The following IQSEC1 variants were observed in gnomAD, a reference collection of about 807,000 sequenced individuals.
The protein encoded by IQSEC1 is IQ motif and Sec7 domain ArfGEF 1, also known as IQ motif and SEC7 domain-containing protein 1.
IQSEC1 carries 31 observed loss-of-function variants against 91.0 expected under a neutral mutation model. That is an observed-to-expected ratio of 0.34 (90% CI 0.26 to 0.46). The LOEUF (loss-of-function observed/expected upper bound fraction) is 0.46, where lower values mean the gene tolerates loss of function less well. IQSEC1 is among the 20% of genes least tolerant of loss of function. The probability of loss-of-function intolerance (pLI) is 1.00; values close to 1 mark genes in which losing one functional copy is unlikely to be tolerated. For missense variants in IQSEC1, 1,388 were observed against 1,575.6 expected (o/e 0.88, Z 2.02); for synonymous variants, 699 against 662.6 (o/e 1.05, Z -0.84).
chr3:13,151,225 T>C (rs140352002), intron 2 of IQSEC1, among the ~76,000 whole-genome samples: 197 of 152,280 alleles, frequency 1.3e-3, no homozygotes, highest in African/African-American at 4.6e-3. Flanking sequence ...ACGTCAGGTA[T>C]TGGGCTTCTC....
rs1442916290 is a variant in IQSEC1 at position 12,897,155 on chromosome 3, C to A, written c.*3828G>T. ...CACAACAAGTAATGGGGAAACTCAT[C>A]AGCTGGAGATCTGGGTCTGGCCAAC... is the stretch of plus-strand genomic sequence containing the variant. On this transcript the variant is annotated 3_prime_UTR_variant, in exon 14 of 14. Transcript: ENST00000613206. The A allele has an allele frequency of 6.6e-6, 1 of 152,244 alleles. No homozygotes were observed. The highest frequency in any genetic ancestry group is 2.4e-5 in the African/African-American group (1 of 41,462). The allele number at this position is 152,244 out of a possible 1,614,324, so 9.4% of individuals were successfully genotyped here.
chr3:13,137,996 C>T (rs1309159887), intron 2 of IQSEC1, among the ~76,000 whole-genome samples: 2 of 152,192 alleles, frequency 1.3e-5, no homozygotes, highest in Non-Finnish European at 2.9e-5. Flanking sequence ...CAATGTGTCA[C>T]AGTTGGAAGC....
intron 2 of IQSEC1, among the ~76,000 whole-genome samples, chr3:13,108,859 C>T (rs1279434904): frequency 6.6e-6 from 1 of 152,230 alleles, no homozygotes; most frequent in Non-Finnish European, 1.5e-5. Flanking sequence ...TCACACAGCC[C>T]CTCTGCTGGA....
Position 12,941,640 on chromosome 3 carries a change from C to T in IQSEC1, c.249G>A (p.Glu83=). Residue 83 remains glutamate, a synonymous_variant, in exon 2 of 14, where the codon GAG becomes GAA. Transcript: ENST00000613206. ...GTGAGCGTGAGCGCTTGATGGCCTC[C>T]TCCTCAGCCTGCTTGCGCAGGATGG... is the stretch of plus-strand genomic sequence containing the variant. ...STSILRKQAE[E]EAIKRSRSLS... is the part of the protein sequence containing the mutation. 2 of 1,612,308 alleles carry T rather than the reference C, an allele frequency of 1.2e-6. No individual in the cohort carries two copies. Among genetic ancestry groups the T allele is most frequent in the Non-Finnish European group, 1.7e-6 (2 of 1,179,432 alleles).
intron 13 of IQSEC1, 68 bp from the exon 14 acceptor site, chr3:12,901,590 T>G (rs1470456512): frequency 1.6e-5 from 21 of 1,354,602 alleles, no homozygotes; most frequent in Non-Finnish European, 2.0e-5. Flanking sequence ...ATGATTTTTT[T>G]TTTTCAAATG....
intron 1 of IQSEC1, among the ~76,000 whole-genome samples, chr3:13,167,929 G>A (rs1378453960): frequency 6.6e-6 from 1 of 152,188 alleles, no homozygotes; most frequent in Non-Finnish European, 1.5e-5. Context: ...TGAGAAGGTG[G>A]GCATGAGCAG....
rs114464310 is a variant in IQSEC1, at chr3:13,261,078, G to A, written c.272+21633C>T. ...GAGGGACAGATTTTTCAGAGGCGAG[G>A]ACATGGCACTTGATTTGTATATAGA... On this transcript the variant is annotated intron_variant, in intron 1 of 15. Transcript: ENST00000648114. Among the ~76,000 whole-genome samples the A allele has an allele frequency of 2.1e-3, 317 of 152,338 alleles. 2 individuals are homozygous for A. Among genetic ancestry groups the A allele is most frequent in the Non-Finnish European group, 3.4e-3 (232 of 68,018 alleles).
At chr3:13,234,334 CCCTGTGTCTGTGTGTGCCTATGG>C (rs1694887409) in intron 1 of IQSEC1, among the ~76,000 whole-genome samples, 1 of 132,750 alleles carries the variant, frequency 7.5e-6, no homozygotes. Flanking sequence ...TGGGTGTGAG[CCCTGTGTCTGTGTGTGCCTATGG>C]GTGTGAGCAC....
intron 2 of IQSEC1, among the ~76,000 whole-genome samples, chr3:13,140,190 T>G (rs184248971): frequency 1.6e-4 from 25 of 152,306 alleles, no homozygotes; most frequent in Non-Finnish European, 1.3e-4. Context: ...CTGGCATCCC[T>G]TATCCTCATG....
intron 1 of IQSEC1, among the ~76,000 whole-genome samples, chr3:13,043,981 G>A (rs1704391380): frequency 6.6e-6 from 1 of 152,212 alleles, no homozygotes; most frequent in African/African-American, 2.4e-5. Flanking sequence ...TGCTGCTCAG[G>A]GGGGTGACAT....
intron 1 of IQSEC1, among the ~76,000 whole-genome samples, chr3:12,957,290 A>T (rs781173700): frequency 3.9e-5 from 6 of 152,134 alleles, no homozygotes; most frequent in African/African-American, 7.2e-5. Flanking sequence ...TTTCTTCATT[A>T]ACCATTCCTA....
rs756434906 is a variant in IQSEC1, at chr3:13,193,396, A to G, written c.273-29263T>C. ...CCAGTGAGTTTTAAACTAGGAAGGT[A>G]AAGATCAGAGGTGGCTTGGAAAGAG... On this transcript the variant is annotated intron_variant, in intron 1 of 15. Transcript: ENST00000648114. The surrounding 1 kb of genome is among the most constrained non-coding windows in gnomAD (Gnocchi z 4.2). 6.6e-6 allele frequency among the ~76,000 whole-genome samples: 1 copy of G among 152,202 alleles called. No homozygotes were observed. Among genetic ancestry groups the G allele is most frequent in the Non-Finnish European group, 1.5e-5 (1 of 68,040 alleles).
At chr3:13,283,107 G>A (rs1695830446) in exon 1 of IQSEC1, among the ~76,000 whole-genome samples, 1 of 143,752 alleles carries the variant, frequency 7.0e-6, no homozygotes, top group Non-Finnish European at 1.5e-5. Flanking sequence ...GCCCCGCCTC[G>A]GCTCCCGCCT....
At chr3:12,988,809 C>T (rs896260689) in intron 1 of IQSEC1, among the ~76,000 whole-genome samples, 3 of 152,222 alleles carry the variant, frequency 2.0e-5, no homozygotes, top group African/African-American at 7.2e-5. Context: ...GACAGGTGAC[C>T]ACATTTAAAA....
At chr3:13,182,239 A>C in intron 1 of IQSEC1, among the ~76,000 whole-genome samples, 1 of 152,204 alleles carries the variant, frequency 6.6e-6, no homozygotes, top group Non-Finnish European at 1.5e-5. Context: ...TATATCTGAC[A>C]ATTTGCTTTT....
At chr3:13,124,785 G>C (rs1029903565) in intron 2 of IQSEC1, among the ~76,000 whole-genome samples, 2 of 151,616 alleles carry the variant, frequency 1.3e-5, no homozygotes, top group Admixed American at 6.6e-5. Context: ...ATCCCCCCCA[G>C]ACTGTCCTGG....
intron 2 of IQSEC1, among the ~76,000 whole-genome samples, chr3:13,132,980 GA>G (rs1168116749): frequency 1.3e-5 from 2 of 152,236 alleles, no homozygotes; most frequent in Admixed American, 6.5e-5. Context: ...ATAAGAAAAT[GA>G]GACATATTTC....
At chr3:12,917,248 GC>G (rs1696185355) in intron 6 of IQSEC1, among the ~76,000 whole-genome samples, 1 of 152,114 alleles carries the variant, frequency 6.6e-6, no homozygotes, top group African/African-American at 2.4e-5. Context: ...GGACACATCA[GC>G]GTCACCCGAG....
At position 13,008,309 on chromosome 3, in the gene IQSEC1, A is replaced by AG. The variant is rs1303687167; in HGVS notation, c.23+64682_23+64683insC. Among the ~76,000 whole-genome samples, 1 of 152,134 alleles carries AG rather than the reference A, an allele frequency of 6.6e-6. No homozygotes were observed. Among genetic ancestry groups the AG allele is most frequent in the Admixed American group, 6.5e-5 (1 of 15,278 alleles). On this transcript the variant is annotated intron_variant, in intron 1 of 13. Coordinates refer to ENST00000613206, the MANE Select transcript of IQSEC1 (RefSeq NM_001134382.3). This position sits in a 1 kb window ranked among gnomAD's most constrained non-coding sequence, Gnocchi z 4.1. Reference sequence around the variant, plus strand: ...GCCTCAGCTGACCCTCCCTCCAGCAAATGTTTAGAGAATGAGGTAAGCATC... The same window carrying AG: ...GCCTCAGCTGACCCTCCCTCCAGCAAGATGTTTAGAGAATGAGGTAAGCATC...
Sources: gnomAD v4.1 joint callset for allele counts (sites outside exome capture counted in the v4.1 genomes callset) on GRCh38, gnomAD v4.1.1 for gene constraint, Gnocchi (gnomAD v3.1) non-coding constraint, MANE v1.5 for transcripts, NCBI Gene and HGNC (gene_info 2026-07-23, HGNC 2026-07-21) for gene names.